The following PRSS23 variants were observed in gnomAD, a reference collection of about 807,000 sequenced individuals.
The protein encoded by PRSS23 is protease, serine 23.
Under a neutral mutation model 34.7 loss-of-function variants are expected in PRSS23, and 25 were observed. The ratio of observed to expected loss-of-function variants is 0.72; its 90% CI spans 0.53 to 1.01. The LOEUF is 1.01. Ranked by LOEUF, PRSS23 falls within the 50% of genes least tolerant of loss-of-function variation. The pLI is 0.00. For synonymous variants in PRSS23, 176 were observed against 186.6 expected (o/e 0.94, Z 0.46); for missense variants, 445 against 475.6 (o/e 0.94, Z 0.60).
chr11:86,846,976 G>A (rs982825457), intron 2 of PRSS23, among the ~76,000 whole-genome samples: 1 of 152,114 alleles, frequency 6.6e-6, no homozygotes, highest in Non-Finnish European at 1.5e-5. Flanking sequence ...CCTTCCTTGG[G>A]GCCTATCAAG....
In PRSS23 at chr11:86,837,407, T is replaced by C. The variant is rs560921731; in HGVS notation, c.206+13814T>C. On this transcript the variant is annotated intron_variant, in intron 2 of 2. Coordinates refer to the PRSS23 transcript ENST00000533902. ...GAGAGTAATTGCTTACTCGAGTAGGTGGGCCTTGTTTTAAAATTCATGTAA... is the reference window on the plus strand; with the variant it reads ...GAGAGTAATTGCTTACTCGAGTAGGCGGGCCTTGTTTTAAAATTCATGTAA... 5.6e-4 allele frequency: 85 copies of C among 152,340 alleles called. 1 individual carries two copies. Among genetic ancestry groups the C allele is most frequent in the African/African-American group, 2.0e-3 (84 of 41,568 alleles). The allele number at this position is 152,340 out of a possible 1,614,324, so 9.4% of individuals were successfully genotyped here. A position where few individuals can be genotyped will look rare whatever the true frequency, so the allele number is the denominator to read the frequency against.
chr11:86,828,714 T>C (rs547690940), intron 2 of PRSS23, among the ~76,000 whole-genome samples: 1 of 152,352 alleles, frequency 6.6e-6, no homozygotes, highest in Non-Finnish European at 1.5e-5. Flanking sequence ...TCTCGGCATT[T>C]GCTCGTCTGT....
chr11:86,844,715 T>A (rs564192035), intron 2 of PRSS23, among the ~76,000 whole-genome samples: 4 of 152,220 alleles, frequency 2.6e-5, no homozygotes, highest in African/African-American at 9.6e-5. Flanking sequence ...CGTCATGACA[T>A]AGAAACAAAC....
At chr11:86,857,880 G>A in intron 2 of PRSS23, 1 of 507,020 alleles carries the variant, frequency 2.0e-6, no homozygotes, top group South Asian at 1.6e-5. Flanking sequence ...CAGCCAGGAT[G>A]ATGAACAGGT....
At chr11:86,797,228 G>A (rs959415140), upstream of PRSS23, among the ~76,000 whole-genome samples, 7 of 152,188 alleles carry the variant, frequency 4.6e-5, no homozygotes, top group African/African-American at 1.7e-4. Context: ...TGGTTCCCCC[G>A]ACCCCCTCCC....
At chr11:86,943,700 C>T (rs1590938888) in intron 2 of PRSS23, among the ~76,000 whole-genome samples, 1 of 152,250 alleles carries the variant, frequency 6.6e-6, no homozygotes, top group East Asian at 1.9e-4. Flanking sequence ...CCTTGGGCTG[C>T]TGTAACAAAT....
At chr11:86,879,826 G>T (rs1948759688) in intron 2 of PRSS23, among the ~76,000 whole-genome samples, 2 of 130,904 alleles carry the variant, frequency 1.5e-5, no homozygotes, top group Non-Finnish European at 3.4e-5. Flanking sequence ...GAGGTGGGGG[G>T]GGTCAGCCCC....
rs1365188837 is a variant in PRSS23 at position 86,808,892 on chromosome 11, G to T, written c.*97G>T. On this transcript the variant is annotated 3_prime_UTR_variant, in exon 2 of 2. Transcript: ENST00000280258. ...GTCATTGGCGTGCACACGTGTGTGTGTGTGTGTGTGTGTGTGTAAGGTGTC... is the reference window on the plus strand; with the variant it reads ...GTCATTGGCGTGCACACGTGTGTGTTTGTGTGTGTGTGTGTGTAAGGTGTC... 1 of 906,168 alleles carries T rather than the reference G, an allele frequency of 1.1e-6. No homozygotes were observed. The highest frequency in any genetic ancestry group is 1.6e-5 in the South Asian group (1 of 60,640). 56.1% of individuals were successfully genotyped at this position (906,168 alleles called of 1,614,324 possible).
rs376810141 is a variant in PRSS23, at chr11:86,807,940, G to A, written c.297G>A (p.Thr99=). Residue 99 remains threonine, a synonymous_variant, in exon 2 of 2, where the codon ACG becomes ACA. Transcript: ENST00000280258. ...ATGCCAATGGCAGCCGCACAGAGAC[G>A]CAGGTGGGCATCTACATCCTCAGCA... The part of the protein sequence containing the change: ...TLYANGSRTE[T]QVGIYILSSS... The A allele has an allele frequency of 4.3e-6, 7 of 1,614,138 alleles. No homozygotes were observed. The highest frequency in any genetic ancestry group is 2.2e-5 in the East Asian group (1 of 44,880).
chr11:86,851,428 G>T (rs1948528663), intron 2 of PRSS23, among the ~76,000 whole-genome samples: 1 of 152,208 alleles, frequency 6.6e-6, no homozygotes, highest in Admixed American at 6.5e-5. Flanking sequence ...GGCATCCACT[G>T]GTCTAGCTGT....
intron 2 of PRSS23, among the ~76,000 whole-genome samples, chr11:86,941,788 C>T (rs1057404250): frequency 3.3e-5 from 5 of 152,172 alleles, no homozygotes; most frequent in Admixed American, 2.0e-4. Context: ...GGCTAGTGCC[C>T]TAGTATCTTC....
chr11:86,807,718 T>G lies in PRSS23; in HGVS notation c.75T>G (p.Ser25Arg), dbSNP rs778599738. The G allele has an allele frequency of 1.2e-6, 2 of 1,614,078 alleles. No individual in the cohort carries two copies. Residue 25 changes from serine (S) to arginine (R), a missense_variant, in exon 2 of 2, where the codon AGT becomes AGG. Coordinates refer to ENST00000280258, the MANE Select transcript of PRSS23 (RefSeq NM_007173.6). ...CTGTTGGGCAAGTGAGCCCTTACAG[T>G]GCCCCCTGGAAACCCACTTGGCCTG... is the stretch of plus-strand genomic sequence containing the variant. ...LCAVGQVSPY[S>R]APWKPTWPAY...
intron 2 of PRSS23, among the ~76,000 whole-genome samples, chr11:86,881,462 G>A (rs1354969551): frequency 1.3e-5 from 2 of 151,862 alleles, no homozygotes; most frequent in Admixed American, 6.6e-5. Flanking sequence ...TAGTCTTGGT[G>A]TATATTTTTT....
intron 2 of PRSS23, among the ~76,000 whole-genome samples, chr11:86,901,031 C>G (rs1180745733): frequency 1.3e-5 from 2 of 151,908 alleles, no homozygotes; most frequent in African/African-American, 4.8e-5. Context: ...GTGGTCCGCC[C>G]ACCTCAGCCT....
At position 86,807,301 on chromosome 11, in the gene PRSS23, G is replaced by A. The variant is rs80052229; in HGVS notation, c.-13-330G>A. On this transcript the variant is annotated intron_variant, in intron 1 of 1. Coordinates refer to ENST00000280258, the MANE Select transcript of PRSS23 (RefSeq NM_007173.6). ...AAGCACAAAGAGGGCTCAAAATTAC[G>A]TGGAAATTGGGGCTGGTCAGTCAGT... Among the ~76,000 whole-genome samples the A allele has an allele frequency of 9.2e-3, 1,393 of 152,224 alleles. 14 individuals are homozygous for A. Among genetic ancestry groups the A allele is most frequent in the African/African-American group, 0.032 (1,344 of 41,522 alleles).
rs768026566 is a variant in PRSS23, at chr11:86,808,416, G to T, written c.773G>T (p.Arg258Ile). 1 of 1,614,098 alleles carries T rather than the reference G, an allele frequency of 6.2e-7. No individual in the cohort carries two copies. The highest frequency in any genetic ancestry group is 1.3e-5 in the African/African-American group (1 of 74,946). The change falls in exon 2 of 2, where the codon AGA becomes ATA. Residue 258 changes from arginine (R) to isoleucine (I), a missense_variant. Arg to Ile is a moderately conservative substitution (Grantham distance 97). Transcript: ENST00000280258. Reference protein sequence around the residue: ...ALLELKKPHKRKFMKIGVSPP... With the variant: ...ALLELKKPHKIKFMKIGVSPP... ...CTGGAACTCAAAAAGCCCCACAAGAGAAAATTTATGAAGATTGGGGTGAGC... is the reference window on the plus strand; with the variant it reads ...CTGGAACTCAAAAAGCCCCACAAGATAAAATTTATGAAGATTGGGGTGAGC...
At chr11:86,912,260 T>A (rs1339749944) in intron 2 of PRSS23, 2 of 152,240 alleles carry the variant, frequency 1.3e-5, no homozygotes, top group African/African-American at 4.8e-5. Flanking sequence ...GTGATGGTTA[T>A]CTTTGTACTT....
At chr11:86,830,201 G>A (rs984242416) in intron 2 of PRSS23, among the ~76,000 whole-genome samples, 4 of 152,108 alleles carry the variant, frequency 2.6e-5, no homozygotes, top group South Asian at 2.1e-4. Flanking sequence ...AATGGTGGGC[G>A]CCCCTCCCCC....
intron 2 of PRSS23, among the ~76,000 whole-genome samples, chr11:86,906,521 C>T (rs1334032054): frequency 1.3e-5 from 2 of 152,216 alleles, no homozygotes; most frequent in African/African-American, 2.4e-5. Flanking sequence ...TAATCAGCCC[C>T]GCAGTGCCTC....
Sources: allele counts gnomAD v4.1 joint callset (sites outside exome capture counted in the v4.1 genomes callset), GRCh38; gene constraint gnomAD v4.1.1; transcripts MANE v1.5; gene names NCBI Gene and HGNC (gene_info 2026-07-23, HGNC 2026-07-21).